Variants in CCN6 observed in about 807,000 individuals in gnomAD.
CCN6 encodes the protein CCN family member 6.
Under a neutral mutation model 37.4 loss-of-function variants are expected in CCN6, and 31 were observed. The ratio of observed to expected loss-of-function variants is 0.83; its 90% CI spans 0.62 to 1.12. The LOEUF (loss-of-function observed/expected upper bound fraction) is 1.12, where lower values mean the gene tolerates loss of function less well. CCN6 is among the 50% of genes most tolerant of loss of function. The pLI is 0.00. For missense variants in CCN6, 369 were observed against 413.8 expected, an observed-to-expected ratio of 0.89 and a Z score of 0.94; for synonymous variants, 137 against 142.1, an observed-to-expected ratio of 0.96 and a Z score of 0.26.
Position 112,061,074 on chromosome 6 carries a change from T to TA in CCN6, c.135dup (p.Gln46ThrfsTer31). On this transcript the variant is annotated frameshift_variant, in exon 2 of 5. Transcript: ENST00000368666. LOFTEE classifies it high-confidence loss of function. ...GAGAAGTGTCAGATGCACCTCAGCG[T>TA]AAACAGTTTTGTCACTGGCCCTGCA... 6.2e-7 allele frequency: 1 copy of TA among 1,614,182 alleles called. No individual in the cohort carries two copies. Among genetic ancestry groups the TA allele is most frequent in the East Asian group, 2.2e-5 (1 of 44,884 alleles).
chr6:112,058,797 A>G (rs1776423037), intron 1 of CCN6, among the ~76,000 whole-genome samples: 1 of 152,210 alleles, frequency 6.6e-6, no homozygotes, highest in South Asian at 2.1e-4. Context: ...GTGCTTGCAC[A>G]TTTCCTGTAG....
intron 4 of CCN6, among the ~76,000 whole-genome samples, chr6:112,068,617 A>C (rs1554314565): frequency 6.6e-6 from 1 of 152,134 alleles, no homozygotes; most frequent in Non-Finnish European, 1.5e-5. Flanking sequence ...TCTTTTTTCT[A>C]TGTTAATGAA....
intron 1 of CCN6, chr6:112,060,196 C>T: frequency 7.9e-7 from 1 of 1,267,004 alleles, no homozygotes; most frequent in Non-Finnish European, 1.0e-6. Context: ...ATGAGGAAGT[C>T]ACTCCATATG....
At chr6:112,061,400 G>A (rs1776518472) in intron 2 of CCN6, 112 bp downstream of exon 2, 2 of 1,444,030 alleles carry the variant, frequency 1.4e-6, no homozygotes, top group East Asian at 4.6e-5. Context: ...TATGAGGTGG[G>A]TTTAGTTTTC....
chr6:112,068,519 A>AATGAG, intron 4 of CCN6, 121 bp downstream of exon 4: 2 of 945,570 alleles, frequency 2.1e-6, no homozygotes, highest in Non-Finnish European at 3.1e-6. Context: ...ATCTCATTAT[A>AATGAG]ATGCTTAAAG....
chr6:112,064,999 T>C lies in CCN6; in HGVS notation c.589+2T>C, dbSNP rs1554313640. 1 of 1,614,016 alleles carries C rather than the reference T, an allele frequency of 6.2e-7. No individual in the cohort carries two copies. Among genetic ancestry groups the C allele is most frequent in the East Asian group, 2.2e-5 (1 of 44,888 alleles). On this transcript the variant is annotated splice_donor_variant, in intron 3 of 4. Coordinates refer to ENST00000368666, the MANE Select transcript of CCN6 (RefSeq NM_198239.2). LOFTEE classifies it high-confidence loss of function. ...CAACAAGCTACAAAACAATGCCAGGTGCTCAGAAGTAGAGCTATTTTTCAC... is the reference window on the plus strand; with the variant it reads ...CAACAAGCTACAAAACAATGCCAGGCGCTCAGAAGTAGAGCTATTTTTCAC...
At chr6:112,055,616 G>A (rs143341018) in intron 1 of CCN6, among the ~76,000 whole-genome samples, 172 of 145,952 alleles carry the variant, frequency 1.2e-3, no homozygotes, top group African/African-American at 4.5e-3. Flanking sequence ...TAGAGACAGA[G>A]CCTTGCTCTG....
At chr6:112,059,449 G>T (rs151005526) in intron 1 of CCN6, among the ~76,000 whole-genome samples, 2 of 152,090 alleles carry the variant, frequency 1.3e-5, no homozygotes, top group Non-Finnish European at 2.9e-5. Flanking sequence ...TGGCTTCCTT[G>T]GACCATGACC....
intron 2 of CCN6, among the ~76,000 whole-genome samples, 192 bp from the exon 3 acceptor site, chr6:112,064,563 A>G (rs1439969995): frequency 6.6e-6 from 1 of 152,162 alleles, no homozygotes; most frequent in Non-Finnish European, 1.5e-5. Flanking sequence ...ATAGCCTGCA[A>G]TATAATAAAA....
At chr6:112,064,622 C>T in intron 2 of CCN6, 133 bp from the exon 3 acceptor site, 1 of 1,434,632 alleles carries the variant, frequency 7.0e-7, no homozygotes, top group Non-Finnish European at 9.7e-7. Context: ...AAGGAGGTTC[C>T]AAATGGAACC....
At chr6:112,067,752 T>C (rs1489133027) in intron 3 of CCN6, among the ~76,000 whole-genome samples, 2 of 152,148 alleles carry the variant, frequency 1.3e-5, no homozygotes, top group Non-Finnish European at 2.9e-5. Context: ...TTCTCAAATA[T>C]AATTTTTGTA....
At chr6:112,060,690 TG>T (rs1776487885) in intron 1 of CCN6, among the ~76,000 whole-genome samples, 1 of 152,044 alleles carries the variant, frequency 6.6e-6, no homozygotes, top group South Asian at 2.1e-4. Context: ...GCCTTATCCA[TG>T]GGGCTCTGAG....
intron 2 of CCN6, among the ~76,000 whole-genome samples, chr6:112,064,145 C>T (rs1231258896): frequency 1.3e-5 from 2 of 152,100 alleles, no homozygotes; most frequent in African/African-American, 4.8e-5. Context: ...GTGCAAATAC[C>T]AACACAGTGA....
intron 2 of CCN6, among the ~76,000 whole-genome samples, chr6:112,063,374 C>T (rs1348007337): frequency 6.6e-6 from 1 of 152,204 alleles, no homozygotes; most frequent in Non-Finnish European, 1.5e-5. Context: ...GACTCTGTGA[C>T]ATTAAAATGC....
At chr6:112,068,075 G>C in intron 3 of CCN6, 130 bp from the exon 4 acceptor site, 1 of 768,386 alleles carries the variant, frequency 1.3e-6, no homozygotes, top group South Asian at 2.6e-5. Context: ...TAGACCATCG[G>C]CTTCTTTTAT....
At chr6:112,063,925 GA>G (rs1776602045) in intron 2 of CCN6, among the ~76,000 whole-genome samples, 1 of 152,238 alleles carries the variant, frequency 6.6e-6, no homozygotes, top group Non-Finnish European at 1.5e-5. Flanking sequence ...TTGTCACGTA[GA>G]ATATTAAAGA....
At position 112,064,910 on chromosome 6, in the gene CCN6, G is replaced by C. The variant is rs1554313609; in HGVS notation, c.502G>C (p.Ala168Pro). 3 of 1,613,982 alleles carry C rather than the reference G, an allele frequency of 1.9e-6. No individual in the cohort carries two copies. The highest frequency in any genetic ancestry group is 2.5e-6 in the Non-Finnish European group (3 of 1,179,982). The change falls in exon 3 of 5, where the codon GCT becomes CCT. Residue 168 changes from alanine to proline, a missense_variant. Physicochemically the swap from Ala to Pro is conservative, Grantham distance 27. Coordinates refer to ENST00000368666, the MANE Select transcript of CCN6 (RefSeq NM_198239.2). ...PKLAGSHCSG[A>P]KGGKKSDQSN... ...GCTGGCTGGCAGTCACTGCTCTGGA[G>C]CTAAAGGTGGAAAGAAGTCTGATCA...
chr6:112,060,194 G>C (rs587605705), intron 1 of CCN6: 1 of 1,276,178 alleles, frequency 7.8e-7, no homozygotes, highest in Non-Finnish European at 1.0e-6. Flanking sequence ...CCATGAGGAA[G>C]TCACTCCATA....
chr6:112,064,874 T>C lies in CCN6; in HGVS notation c.466T>C (p.Phe156Leu). 1 of 1,614,106 alleles carries C rather than the reference T, an allele frequency of 6.2e-7. No individual in the cohort carries two copies. The highest frequency in any genetic ancestry group is 8.5e-7 in the Non-Finnish European group (1 of 1,179,970). ...TGGGGCCATTGGATGCACACCTCTG[T>C]TCATACCAAAGCTGGCTGGCAGTCA... ...VSGAIGCTPL[F>L]IPKLAGSHCS... The change falls in exon 3 of 5, where the codon TTC (phenylalanine) becomes CTC (leucine). Residue 156 changes from phenylalanine (F) to leucine (L), a missense_variant. Transcript: ENST00000368666.
Sources: gnomAD v4.1 joint callset for allele counts (sites outside exome capture counted in the v4.1 genomes callset) on GRCh38, gnomAD v4.1.1 for gene constraint, MANE v1.5 for transcripts, NCBI Gene and HGNC (gene_info 2026-07-23, HGNC 2026-07-21) for gene names.